The following ZNF782 variants were observed in gnomAD, a reference collection of about 807,000 sequenced individuals.
The protein encoded by ZNF782 is zinc finger protein 782.
Under a neutral mutation model 13.0 loss-of-function variants are expected in ZNF782, and 12 were observed. The observed-to-expected ratio is 0.92, with a 90% CI of 0.59 to 1.50. The LOEUF is 1.50. Ranked by LOEUF, ZNF782 falls within the 40% of genes most tolerant of loss-of-function variation. The pLI, the probability that ZNF782 is intolerant of heterozygous loss-of-function variation, is 0.00. For synonymous variants in ZNF782, 284 were observed against 283.0 expected (o/e 1.00, Z -0.04); for missense variants, 770 against 822.9 (o/e 0.94, Z 0.79).
At chr9:96,929,036 T>G in the ZNF782 span, 18 of 1,610,512 alleles carry the variant, frequency 1.1e-5, no homozygotes, top group East Asian at 4.5e-5. Context: ...TGGCTTCAAA[T>G]GGAGGTGAGC....
rs1269639833 is a variant in ZNF782 at position 96,851,888 on chromosome 9, C to T, written c.15+59G>A. On this transcript the variant is annotated intron_variant, in intron 3 of 5. Coordinates refer to ENST00000481138, the MANE Select transcript of ZNF782 (RefSeq NM_001001662.3). ...CTCCTTTTCCATTTAATGCAAGGGC[C>T]TATCTAAACCTCATAAAATCCATTA... The T allele has an allele frequency of 2.0e-6, 3 of 1,490,018 alleles. No individual in the cohort carries two copies. In the African/African-American group the frequency reaches 4.2e-5, roughly 21 times the overall value. 92.3% of individuals were successfully genotyped at this position (1,490,018 alleles called of 1,614,324 possible).
At chr9:96,918,390 C>G in the ZNF782 span, among the ~76,000 whole-genome samples, 2 of 135,434 alleles carry the variant, frequency 1.5e-5, no homozygotes, top group Non-Finnish European at 3.1e-5. Context: ...AGCTGGGCAA[C>G]AGAGGGAGGC....
At chr9:96,873,986 C>A (rs185625031) in intron 1 of ZNF782, among the ~76,000 whole-genome samples, 1 of 152,238 alleles carries the variant, frequency 6.6e-6, no homozygotes, top group Admixed American at 6.5e-5. Flanking sequence ...ATCTGACTAC[C>A]AAAGCTCAAA....
chr9:96,846,972 G>A (rs760044036), intron 3 of ZNF782, among the ~76,000 whole-genome samples: 10 of 152,152 alleles, frequency 6.6e-5, no homozygotes, highest in East Asian at 3.9e-4. Context: ...TTTAAAAATC[G>A]AAATCATATC....
chr9:96,860,889 G>A (rs965110061), intron 2 of ZNF782, among the ~76,000 whole-genome samples: 1 of 152,238 alleles, frequency 6.6e-6, no homozygotes, highest in Non-Finnish European at 1.5e-5. Context: ...ATATCCATAT[G>A]CAGAAGAATG....
chr9:96,920,361 G>A, the ZNF782 span, among the ~76,000 whole-genome samples: 3 of 149,672 alleles, frequency 2.0e-5, no homozygotes, highest in Admixed American at 2.0e-4. Context: ...CTGCCTCCTG[G>A]GTTCATGCCA....
chr9:96,868,292 G>A (rs1851784099), intron 1 of ZNF782, among the ~76,000 whole-genome samples: 1 of 152,154 alleles, frequency 6.6e-6, no homozygotes, highest in Non-Finnish European at 1.5e-5. Flanking sequence ...CCTGTATTTT[G>A]TAGTCTACTG....
chr9:96,874,824 G>A (rs930967289), intron 1 of ZNF782, among the ~76,000 whole-genome samples: 1 of 152,136 alleles, frequency 6.6e-6, no homozygotes, highest in Non-Finnish European at 1.5e-5. Flanking sequence ...CCAGGGCCTG[G>A]GAAACAAATT....
At chr9:96,917,444 T>A in the ZNF782 span, among the ~76,000 whole-genome samples, 1 of 151,854 alleles carries the variant, frequency 6.6e-6, no homozygotes, top group Non-Finnish European at 1.5e-5. Context: ...AAAACTTTTT[T>A]TTTTTGAGAC....
intron 3 of ZNF782, 94 bp from the exon 4 acceptor site, chr9:96,845,110 T>C: frequency 6.7e-7 from 1 of 1,497,560 alleles, no homozygotes; most frequent in Admixed American, 2.0e-5. Context: ...CTGTTGAGAA[T>C]TTAAAACAAA....
At chr9:96,842,485 G>A (rs1226496758) in intron 4 of ZNF782, among the ~76,000 whole-genome samples, 4 of 151,966 alleles carry the variant, frequency 2.6e-5, no homozygotes, top group Admixed American at 6.6e-5. Flanking sequence ...GAAGGGTAAT[G>A]GTGTTGCATG....
At chr9:96,915,228 T>C in the ZNF782 span, among the ~76,000 whole-genome samples, 5 of 152,200 alleles carry the variant, frequency 3.3e-5, no homozygotes, top group South Asian at 4.1e-4. Flanking sequence ...TAGAGAAATA[T>C]AGTAATAAGG....
chr9:96,840,039 G>C (rs938567878), intron 4 of ZNF782, among the ~76,000 whole-genome samples: 1 of 152,114 alleles, frequency 6.6e-6, no homozygotes, highest in Non-Finnish European at 1.5e-5. Flanking sequence ...ATATGTTGCT[G>C]AGTAAAAATT....
upstream of ZNF782, among the ~76,000 whole-genome samples, chr9:96,858,698 TTTTG>T (rs148625390): frequency 3.3e-3 from 498 of 151,882 alleles, 3 homozygotes; most frequent in African/African-American, 0.011. The surrounding 1 kb of genome is among the most constrained non-coding windows in gnomAD (Gnocchi z 4.4). Flanking sequence ...TGGCGCGAGG[TTTTG>T]TTTGTTTGTT....
Position 96,818,745 on chromosome 9 carries a change from T to A in ZNF782, c.1278A>T (p.Gly426=). 2 of 1,614,152 alleles carry A rather than the reference T, an allele frequency of 1.2e-6. No homozygotes were observed. The highest frequency in any genetic ancestry group is 2.7e-5 in the African/African-American group (2 of 75,024). ...HTGEKPYKCD[G]CDKAFSAKSG... Reference sequence around the variant, plus strand: ...ACTTTGCACTGAAAGCTTTATCACATCCATCACATTTGTATGGTTTCTCTC... The same window carrying A: ...ACTTTGCACTGAAAGCTTTATCACAACCATCACATTTGTATGGTTTCTCTC... Residue 426 remains glycine, a synonymous_variant, in exon 6 of 6, where the codon GGA becomes GGT. Transcript: ENST00000481138.
chr9:96,880,971 CTTAAA>C, the ZNF782 span, among the ~76,000 whole-genome samples: 4 of 151,928 alleles, frequency 2.6e-5, no homozygotes, highest in Admixed American at 1.3e-4. Flanking sequence ...TATAAAACTA[CTTAAA>C]TTATCTATTT....
the ZNF782 span, among the ~76,000 whole-genome samples, chr9:96,897,051 T>C: frequency 6.6e-6 from 1 of 152,168 alleles, no homozygotes; most frequent in Admixed American, 6.5e-5. Flanking sequence ...GCCATAAAGT[T>C]AGGCGTGCAG....
Position 96,839,452 on chromosome 9 carries a change from GT to G in ZNF782, c.142+5437del, listed in dbSNP as rs1166910463. 2.6e-5 allele frequency among the ~76,000 whole-genome samples: 4 copies of G among 151,994 alleles called. No homozygotes were observed. In the East Asian group the frequency reaches 7.7e-4, roughly 29 times the overall value. On this transcript the variant is annotated intron_variant, in intron 4 of 5. Coordinates refer to ENST00000481138, the MANE Select transcript of ZNF782 (RefSeq NM_001001662.3). The stretch of plus-strand genomic sequence containing the variant: ...TGTGTTTTGTATATAATGTCTAGTG[GT>G]TTTAGCTGTACTTAAAGGGAGGAAC...
chr9:96,826,250 G>C (rs1337132318), intron 5 of ZNF782, among the ~76,000 whole-genome samples: 49 of 141,430 alleles, frequency 3.5e-4, no homozygotes, highest in Middle Eastern at 3.4e-3. Flanking sequence ...TCCTTTGTAG[G>C]GACATGGATG....
Sources: allele counts gnomAD v4.1 joint callset (sites outside exome capture counted in the v4.1 genomes callset), GRCh38; gene constraint gnomAD v4.1.1; non-coding constraint Gnocchi (gnomAD v3.1); transcripts MANE v1.5; gene names NCBI Gene and HGNC (gene_info 2026-07-23, HGNC 2026-07-21).